The following KIAA1217 variants were observed in gnomAD, a reference collection of about 807,000 sequenced individuals.
KIAA1217 encodes sickle tail protein homolog.
Under a neutral mutation model 163.9 loss-of-function variants are expected in KIAA1217, and 88 were observed. That is an observed-to-expected ratio of 0.54 (90% CI 0.45 to 0.64). The LOEUF is 0.64. KIAA1217 is among the 30% of genes least tolerant of loss of function. The pLI is 0.00. For synonymous variants in KIAA1217, 903 were observed against 923.1 expected (o/e 0.98, Z 0.39); for missense variants, 2,372 against 2,475.0 (o/e 0.96, Z 0.88).
intron 1 of KIAA1217, among the ~76,000 whole-genome samples, chr10:23,816,103 A>C (rs1023080825): frequency 1.3e-5 from 2 of 152,198 alleles, no homozygotes; most frequent in African/African-American, 4.8e-5. Flanking sequence ...AACTTCAAGA[A>C]TGTTATTTCC....
intron 2 of KIAA1217, among the ~76,000 whole-genome samples, chr10:24,317,224 TA>T (rs1351060791): frequency 1.3e-5 from 2 of 152,162 alleles, no homozygotes; most frequent in Non-Finnish European, 2.9e-5. Context: ...GATACATAAA[TA>T]AACCCATCAT....
intron 2 of KIAA1217, among the ~76,000 whole-genome samples, chr10:24,337,542 G>A (rs1473861535): frequency 2.0e-5 from 3 of 151,938 alleles, no homozygotes; most frequent in Non-Finnish European, 2.9e-5. Flanking sequence ...TTCTTAATCT[G>A]CAGACTTAAA....
chr10:23,787,290 T>G (rs1453412489), intron 1 of KIAA1217, among the ~76,000 whole-genome samples: 1 of 152,132 alleles, frequency 6.6e-6, no homozygotes, highest in East Asian at 1.9e-4. Flanking sequence ...TTCTAAGAGA[T>G]TTATGTCATT....
chr10:24,470,403 G>A (rs890920309), intron 5 of KIAA1217, among the ~76,000 whole-genome samples: 1 of 152,186 alleles, frequency 6.6e-6, no homozygotes, highest in African/African-American at 2.4e-5. Flanking sequence ...GGTGTCCAAT[G>A]AGCAGGGAGG....
intron 2 of KIAA1217, among the ~76,000 whole-genome samples, chr10:24,222,436 C>T (rs893646228): frequency 1.3e-5 from 2 of 152,144 alleles, no homozygotes; most frequent in African/African-American, 2.4e-5. Flanking sequence ...TCTTGGGTCT[C>T]GCACAAGAAA....
At chr10:23,859,185 A>G (rs1839844215) in intron 1 of KIAA1217, among the ~76,000 whole-genome samples, 1 of 152,300 alleles carries the variant, frequency 6.6e-6, no homozygotes, top group South Asian at 2.1e-4. Context: ...AACTTGTTAC[A>G]TTTATAGATT....
intron 2 of KIAA1217, among the ~76,000 whole-genome samples, chr10:24,062,335 G>A (rs1419229047): frequency 8.0e-6 from 1 of 124,744 alleles, no homozygotes; most frequent in East Asian, 2.4e-4. Context: ...TCCCCTTCCT[G>A]TGTCCATGTG....
At chr10:23,812,471 A>G (rs542863419) in intron 1 of KIAA1217, among the ~76,000 whole-genome samples, 1 of 149,948 alleles carries the variant, frequency 6.7e-6, no homozygotes, top group African/African-American at 2.4e-5. Flanking sequence ...AAATAATGAA[A>G]CTAATTATTA....
In KIAA1217 at chr10:24,298,776, C is replaced by T. The variant is rs144661490; in HGVS notation, c.354+78867C>T. On this transcript the variant is annotated intron_variant, in intron 2 of 20. Transcript: ENST00000376454. Reference sequence around the variant, plus strand: ...TCGCACCACTGCACTCCAGCCTGGGCGACAGAGGAAGACTCCATCTCAAAA... The same window carrying T: ...TCGCACCACTGCACTCCAGCCTGGGTGACAGAGGAAGACTCCATCTCAAAA... Among the ~76,000 whole-genome samples the T allele has an allele frequency of 2.0e-3, 297 of 151,804 alleles. 1 individual carries two copies. Among genetic ancestry groups the T allele is most frequent in the African/African-American group, 6.9e-3 (285 of 41,392 alleles).
At chr10:23,936,301 T>A (rs1589110104) in intron 1 of KIAA1217, among the ~76,000 whole-genome samples, 1 of 151,240 alleles carries the variant, frequency 6.6e-6, no homozygotes, top group African/African-American at 2.4e-5. Flanking sequence ...AAAGGTGGAG[T>A]GTAGAATTGA....
intron 10 of KIAA1217, among the ~76,000 whole-genome samples, chr10:24,517,904 A>G (rs2070449461): frequency 6.6e-6 from 1 of 152,206 alleles, no homozygotes; most frequent in South Asian, 2.1e-4. Flanking sequence ...CTGAGGCAAG[A>G]GAATCACTTG....
At chr10:23,810,613 AAT>A (rs1446353794) in intron 1 of KIAA1217, among the ~76,000 whole-genome samples, 4 of 123,688 alleles carry the variant, frequency 3.2e-5, no homozygotes, top group Non-Finnish European at 6.5e-5. Flanking sequence ...AAATTATATA[AAT>A]ATATAGTGTC....
At chr10:24,112,336 G>C (rs768072851) in intron 2 of KIAA1217, among the ~76,000 whole-genome samples, 3 of 152,122 alleles carry the variant, frequency 2.0e-5, no homozygotes, top group Non-Finnish European at 4.4e-5. Context: ...AACCACCCAG[G>C]AACAGATGGT....
At chr10:24,248,599 A>T (rs575875799) in intron 2 of KIAA1217, among the ~76,000 whole-genome samples, 1 of 130,972 alleles carries the variant, frequency 7.6e-6, no homozygotes, top group East Asian at 2.7e-4. Context: ...TGAACTTGGG[A>T]GGCGGAGGTT....
intron 5 of KIAA1217, among the ~76,000 whole-genome samples, chr10:24,447,864 G>A (rs2061071895): frequency 6.6e-6 from 1 of 152,134 alleles, no homozygotes; most frequent in Non-Finnish European, 1.5e-5. Context: ...GAGCGCGGTG[G>A]CTCACACCTG....
intron 2 of KIAA1217, among the ~76,000 whole-genome samples, chr10:24,364,214 G>A (rs61848094): frequency 0.016 from 2,454 of 151,368 alleles, 40 homozygotes; most frequent in Non-Finnish European, 0.026. Context: ...CCTGAGCTCA[G>A]GTGATCCACC....
At chr10:23,940,433 C>CT (rs1843712662) in intron 1 of KIAA1217, among the ~76,000 whole-genome samples, 1 of 128,066 alleles carries the variant, frequency 7.8e-6, no homozygotes, top group African/African-American at 3.0e-5. Flanking sequence ...GAACTCCAGC[C>CT]TGGGCGACAA....
intron 1 of KIAA1217, among the ~76,000 whole-genome samples, chr10:23,870,297 T>C (rs1227497895): frequency 6.6e-6 from 1 of 152,044 alleles, no homozygotes; most frequent in East Asian, 1.9e-4. Context: ...ACATCTCTGT[T>C]TTTCCTGCTC....
rs189081460 is a variant in KIAA1217, at chr10:24,185,874, G to T, written c.-170-33752G>T. Among the ~76,000 whole-genome samples the T allele has an allele frequency of 3.3e-5, 5 of 152,012 alleles. No homozygotes were observed. The East Asian group carries it at 9.7e-4, about 29-fold the overall frequency. On this transcript the variant is annotated intron_variant, in intron 2 of 18. Coordinates refer to the KIAA1217 transcript ENST00000376462. Reference sequence around the variant, plus strand: ...CAGCTACTAAGAGGCTGAGACAGGAGAATCGCTGGAACCTGGGAGGCAGAG... The same window carrying T: ...CAGCTACTAAGAGGCTGAGACAGGATAATCGCTGGAACCTGGGAGGCAGAG...
Sources: gnomAD v4.1 joint callset for allele counts (sites outside exome capture counted in the v4.1 genomes callset) on GRCh38, gnomAD v4.1.1 for gene constraint, MANE v1.5 for transcripts, NCBI Gene and HGNC (gene_info 2026-07-23, HGNC 2026-07-21) for gene names.